MROH7: variants seen among roughly 807,000 people sequenced by gnomAD.
The protein encoded by MROH7 is maestro heat-like repeat-containing protein family member 7.
Under a neutral mutation model 129.2 loss-of-function variants are expected in MROH7, and 113 were observed. The observed-to-expected ratio is 0.87, with a 90% CI of 0.75 to 1.02. MROH7 has a LOEUF of 1.02. Ranked by LOEUF, MROH7 falls within the 50% of genes least tolerant of loss-of-function variation. The pLI, the probability that MROH7 is intolerant of heterozygous loss-of-function variation, is 0.00. For missense variants in MROH7, 1,601 were observed against 1,671.3 expected (o/e 0.96, Z 0.73); for synonymous variants, 655 against 667.9 (o/e 0.98, Z 0.30).
At chr1:54,680,108 G>T (rs984419164) in intron 13 of MROH7, 63 bp downstream of exon 13, 53 of 1,544,710 alleles carry the variant, frequency 3.4e-5, no homozygotes, top group Non-Finnish European at 4.2e-5. Context: ...CCCACCCCAG[G>T]TTGGGGACCC....
chr1:54,654,330 C>T (rs1644607942), intron 3 of MROH7, among the ~76,000 whole-genome samples, 173 bp downstream of exon 3: 1 of 152,192 alleles, frequency 6.6e-6, no homozygotes, highest in African/African-American at 2.4e-5. Flanking sequence ...GCAATGTGAC[C>T]TGGGACAAGC....
At chr1:54,670,664 C>CCCA in intron 6 of MROH7, 88 bp downstream of exon 6, 1 of 1,264,152 alleles carries the variant, frequency 7.9e-7, no homozygotes, top group Non-Finnish European at 1.1e-6. Context: ...GTACCCTCCC[C>CCCA]CAACCCGCCC....
Position 54,653,122 on chromosome 1 carries a change from A to C in MROH7, c.196A>C (p.Ser66Arg). Residue 66 changes from serine (S) to arginine (R), a missense_variant, in exon 3 of 24, where the codon AGT becomes CGT. Coordinates refer to ENST00000421030, the MANE Select transcript of MROH7 (RefSeq NM_001039464.4). ...ALVPDLNDSL[S>R]PVSGEASGLV... ...CGTTCCAGATCTTAATGATTCTTTG[A>C]GTCCAGTCTCAGGGGAGGCCTCAGG... is the stretch of plus-strand genomic sequence containing the variant. The C allele has an allele frequency of 6.2e-7, 1 of 1,614,158 alleles. No homozygotes were observed. The highest frequency in any genetic ancestry group is 8.5e-7 in the Non-Finnish European group (1 of 1,180,034).
chr1:54,678,885 G>C (rs1159331742), intron 11 of MROH7, 31 bp downstream of exon 11: 2 of 1,550,942 alleles, frequency 1.3e-6, no homozygotes, highest in Admixed American at 1.7e-5. Flanking sequence ...CAGGAGCGGA[G>C]GGTGGGGGGT....
chr1:54,675,916 G>A (rs935447562), intron 10 of MROH7, among the ~76,000 whole-genome samples: 8 of 151,916 alleles, frequency 5.3e-5, no homozygotes, highest in African/African-American at 1.4e-4. Flanking sequence ...GATTACAGGC[G>A]TGCACCACCG....
chr1:54,678,877 G>T (rs1239599632), intron 11 of MROH7, 23 bp downstream of exon 11: 14 of 1,576,390 alleles, frequency 8.9e-6, no homozygotes, highest in Non-Finnish European at 1.0e-5. Flanking sequence ...TGCCCATCCA[G>T]GAGCGGAGGG....
At chr1:54,669,450 C>T (rs758097217) in intron 5 of MROH7, among the ~76,000 whole-genome samples, 6 of 152,192 alleles carry the variant, frequency 3.9e-5, no homozygotes, top group Admixed American at 6.5e-5. Flanking sequence ...CCTTGCCCTC[C>T]ATACCTTCAT....
chr1:54,706,860 T>A (rs1645542970), intron 22 of MROH7, among the ~76,000 whole-genome samples: 1 of 152,076 alleles, frequency 6.6e-6, no homozygotes, highest in Admixed American at 6.5e-5. Flanking sequence ...AAATCCCCCA[T>A]TGACAGCAGC....
Position 54,670,828 on chromosome 1 carries a change from G to A in MROH7, c.1498G>A (p.Glu500Lys), listed in dbSNP as rs1644888491. 1.2e-6 allele frequency: 2 copies of A among 1,613,948 alleles called. No individual in the cohort carries two copies. The highest frequency in any genetic ancestry group is 2.7e-5 in the African/African-American group (2 of 74,930). The change falls in exon 7 of 24, where the codon GAG becomes AAG. Residue 500 changes from glutamate to lysine, a missense_variant. By Grantham distance (56) the Glu-to-Lys change is moderately conservative. Coordinates refer to ENST00000421030, the MANE Select transcript of MROH7 (RefSeq NM_001039464.4). ...SHTQPTLGMR[E>K]RSELVNVCVH... is the part of the protein sequence containing the mutation. ...CACCCAGCCCACCCTGGGCATGCGG[G>A]AGAGGTCGGAGCTGGTGAACGTGTG...
Position 54,699,130 on chromosome 1 carries a change from C to CT in MROH7, c.2965-1188dup, listed in dbSNP as rs1158721724. On this transcript the variant is annotated intron_variant, in intron 17 of 23. Coordinates refer to ENST00000421030, the MANE Select transcript of MROH7 (RefSeq NM_001039464.4). ...TCTTTCTTTCTTTCTTTCTTTCTTT[C>CT]TTTCTTTCTTTCTTTCTTTCTTTCT... 9.8e-4 allele frequency: 93 copies of CT among 95,296 alleles called. 3 individuals are homozygous for CT. The Middle Eastern group carries it at 0.031, about 32-fold the overall frequency. 5.9% of individuals were successfully genotyped at this position (95,296 alleles called of 1,614,324 possible).
At chr1:54,688,179 C>T (rs1645180322) in intron 15 of MROH7, among the ~76,000 whole-genome samples, 1 of 149,860 alleles carries the variant, frequency 6.7e-6, no homozygotes, top group African/African-American at 2.5e-5. Context: ...AAGATTGCAC[C>T]ACTGCACTCC....
chr1:54,642,542 T>C (rs1476285026), intron 1 of MROH7, among the ~76,000 whole-genome samples: 2 of 152,196 alleles, frequency 1.3e-5, no homozygotes, highest in African/African-American at 4.8e-5. Context: ...TATGGTATTA[T>C]AGGGAAAACT....
intron 10 of MROH7, among the ~76,000 whole-genome samples, chr1:54,675,592 G>C (rs1305740820): frequency 7.0e-6 from 1 of 143,802 alleles, no homozygotes; most frequent in East Asian, 2.1e-4. Context: ...TTCTGGCTCG[G>C]GACGCTGCCT....
Position 54,679,418 on chromosome 1 carries a change from C to G in MROH7, c.2205C>G (p.Tyr735Ter), listed in dbSNP as rs778351863. Reference sequence around the variant, plus strand: ...TGCTCAGCTCGGTGCTGGAGTGGTACCGCCACAGGGCGCTGGAGGTGGTAA... The same window carrying G: ...TGCTCAGCTCGGTGCTGGAGTGGTAGCGCCACAGGGCGCTGGAGGTGGTAA... ...EVMLSSVLEW[Y>*]RHRALEVIPE... The change falls in exon 12 of 24, where the codon TAC becomes TAG. Residue 735 changes from tyrosine to a stop codon, truncating the protein, a stop_gained. Transcript: ENST00000421030. LOFTEE classifies it high-confidence loss of function. 18 of 1,613,672 alleles carry G rather than the reference C, an allele frequency of 1.1e-5. 1 individual carries two copies. In the South Asian group the frequency reaches 2.0e-4, roughly 18 times the overall value.
At position 54,653,587 on chromosome 1, in the gene MROH7, G is replaced by T; in HGVS notation, c.661G>T (p.Gly221Cys). The change falls in exon 3 of 24, where the codon GGC becomes TGC. Residue 221 changes from glycine (G) to cysteine (C), a missense_variant. Gly to Cys is a radical substitution (Grantham distance 159). Coordinates refer to ENST00000421030, the MANE Select transcript of MROH7 (RefSeq NM_001039464.4). ...TGACTCCAATCCATTGCTCAACATG[G>T]GCTCAAGAAACACCTCCAAGCTGAA... ...DLDSNPLLNM[G>C]SRNTSKLNLN... 6.2e-7 allele frequency: 1 copy of T among 1,614,048 alleles called. No individual in the cohort carries two copies. Among genetic ancestry groups the T allele is most frequent in the Non-Finnish European group, 8.5e-7 (1 of 1,180,022 alleles).
At chr1:54,706,059 C>A (rs1462345391) in intron 21 of MROH7, among the ~76,000 whole-genome samples, 1 of 152,152 alleles carries the variant, frequency 6.6e-6, no homozygotes, top group East Asian at 1.9e-4. Context: ...GCTTTTAAGA[C>A]CCCCTGACTC....
intron 1 of MROH7, among the ~76,000 whole-genome samples, chr1:54,649,614 A>G (rs540044643): frequency 6.6e-6 from 1 of 152,362 alleles, no homozygotes; most frequent in East Asian, 1.9e-4. Flanking sequence ...GCTGGGGTAG[A>G]GATGAAGTCT....
At chr1:54,674,268 C>G (rs1644949123) in intron 10 of MROH7, 117 bp downstream of exon 10, 1 of 1,169,996 alleles carries the variant, frequency 8.5e-7, no homozygotes, top group Non-Finnish European at 1.2e-6. Context: ...TGGGGGAAAC[C>G]AGCACAGGGC....
intron 13 of MROH7, among the ~76,000 whole-genome samples, chr1:54,680,530 A>G (rs1645053152): frequency 6.6e-6 from 1 of 152,204 alleles, no homozygotes; most frequent in Non-Finnish European, 1.5e-5. Context: ...GTGGGTGGTC[A>G]TGACAGTAAT....
Sources: allele counts gnomAD v4.1 joint callset (sites outside exome capture counted in the v4.1 genomes callset), GRCh38; gene constraint gnomAD v4.1.1; transcripts MANE v1.5; gene names NCBI Gene and HGNC (gene_info 2026-07-23, HGNC 2026-07-21).